Variants in SORCS3 observed in about 807,000 individuals in gnomAD.
SORCS3 encodes the protein VPS10 domain-containing receptor SorCS3.
SORCS3 carries 57 observed loss-of-function variants against 146.3 expected under a neutral mutation model. The observed-to-expected ratio is 0.39, with a 90% CI of 0.31 to 0.49. The LOEUF (loss-of-function observed/expected upper bound fraction) is 0.49, where lower values mean the gene tolerates loss of function less well. SORCS3 is among the 20% of genes least tolerant of loss of function. SORCS3 has a pLI of 0.92. For synonymous variants in SORCS3, 653 were observed against 618.5 expected, an observed-to-expected ratio of 1.06 and a Z score of -0.83; for missense variants, 1,341 against 1,575.5, an observed-to-expected ratio of 0.85 and a Z score of 2.52.
intron 25 of SORCS3, among the ~76,000 whole-genome samples, chr10:105,260,073 A>G (rs1469084335): frequency 6.6e-6 from 1 of 152,226 alleles, no homozygotes; most frequent in Non-Finnish European, 1.5e-5. Flanking sequence ...GAGATACAAA[A>G]TTTATTCTCT....
intron 4 of SORCS3, among the ~76,000 whole-genome samples, chr10:105,039,503 C>T (rs1215582706): frequency 2.2e-5 from 3 of 135,096 alleles, no homozygotes; most frequent in Non-Finnish European, 1.5e-5. Context: ...GTCACCCAGG[C>T]TGGAGTGCAG....
chr10:105,137,118 G>A (rs1264869126), intron 7 of SORCS3, among the ~76,000 whole-genome samples: 2 of 152,084 alleles, frequency 1.3e-5, no homozygotes, highest in African/African-American at 4.8e-5. Context: ...GAGGTGGAGT[G>A]TGCTATCATT....
intron 1 of SORCS3, among the ~76,000 whole-genome samples, chr10:104,642,994 C>A (rs2015445528): frequency 6.6e-6 from 1 of 152,238 alleles, no homozygotes; most frequent in Non-Finnish European, 1.5e-5. Flanking sequence ...GCTGTGCAGC[C>A]AAGCAAAGAA....
In SORCS3 at chr10:104,759,739, G is replaced by A. The variant is rs141528457; in HGVS notation, c.628-83053G>A. ...GCTCTCCTTTGCTGTAACTTACCTC[G>A]TTGTATTCTATTTATGCTGATTTGC... On this transcript the variant is annotated intron_variant, in intron 1 of 26. Transcript: ENST00000369701. Among the ~76,000 whole-genome samples, 20 of 152,118 alleles carry A rather than the reference G, an allele frequency of 1.3e-4. 2 individuals carry two copies. Among genetic ancestry groups the A allele is most frequent in the South Asian group, 1.0e-3 (5 of 4,808 alleles).
intron 1 of SORCS3, among the ~76,000 whole-genome samples, chr10:104,676,771 C>T (rs2015917127): frequency 6.6e-6 from 1 of 152,128 alleles, no homozygotes; most frequent in South Asian, 2.1e-4. Flanking sequence ...TCTGTCTCTT[C>T]CATCTCTTTT....
intron 4 of SORCS3, among the ~76,000 whole-genome samples, chr10:105,014,112 CATAT>C: frequency 6.8e-6 from 1 of 147,238 alleles, no homozygotes; most frequent in Non-Finnish European, 1.5e-5. Flanking sequence ...TATATATACA[CATAT>C]ATATACATAT....
intron 1 of SORCS3, among the ~76,000 whole-genome samples, chr10:104,671,797 C>A (rs1367113377): frequency 6.6e-6 from 1 of 152,014 alleles, no homozygotes; most frequent in African/African-American, 2.4e-5. Context: ...ATAAGTTGAA[C>A]CATCCTTGTT....
chr10:104,739,931 A>G (rs1483281260), intron 1 of SORCS3, among the ~76,000 whole-genome samples: 16 of 152,202 alleles, frequency 1.1e-4, no homozygotes, highest in Admixed American at 9.8e-4. Flanking sequence ...ACAGAATTGT[A>G]CTTGGTACCT....
chr10:105,243,025 A>ATATATATTTACATATATT (rs1554889603), intron 20 of SORCS3, among the ~76,000 whole-genome samples: 1 of 129,208 alleles, frequency 7.7e-6, no homozygotes, highest in Non-Finnish European at 1.6e-5. Flanking sequence ...ATATTTATAC[A>ATATATATTTACATATATT]TATATATTTA....
intron 14 of SORCS3, among the ~76,000 whole-genome samples, chr10:105,193,491 T>C (rs1009537955): frequency 3.3e-5 from 5 of 152,158 alleles, no homozygotes; most frequent in African/African-American, 9.7e-5. Context: ...CCTTTGTGTA[T>C]AGGGTTACCA....
chr10:105,193,760 C>T (rs1305603146), intron 14 of SORCS3, among the ~76,000 whole-genome samples: 2 of 152,198 alleles, frequency 1.3e-5, no homozygotes, highest in Non-Finnish European at 2.9e-5. Flanking sequence ...GCCAAGTCTT[C>T]TATTTCCCTG....
At chr10:104,780,508 A>G (rs2017362070) in intron 1 of SORCS3, among the ~76,000 whole-genome samples, 1 of 152,192 alleles carries the variant, frequency 6.6e-6, no homozygotes, top group Non-Finnish European at 1.5e-5. Context: ...ACCCCTTGGT[A>G]GCTGTTCACT....
chr10:104,797,893 A>G (rs532394123), intron 1 of SORCS3, among the ~76,000 whole-genome samples: 14 of 152,210 alleles, frequency 9.2e-5, no homozygotes, highest in Non-Finnish European at 1.6e-4. Flanking sequence ...AGAAAAACAC[A>G]TACTCACATG....
intron 5 of SORCS3, 66 bp from the exon 6 acceptor site, chr10:105,089,709 G>A (rs896404306): frequency 1.6e-6 from 2 of 1,287,232 alleles, no homozygotes; most frequent in Admixed American, 3.4e-5. Context: ...GGCCCTGAGT[G>A]CATCCCACTT....
intron 2 of SORCS3, among the ~76,000 whole-genome samples, chr10:104,846,347 C>T (rs10884055): frequency 0.11 from 16,485 of 152,204 alleles, 1,056 homozygotes; most frequent in South Asian, 0.26. Flanking sequence ...AGCCTAGAGC[C>T]GTATGATTTC....
At chr10:104,957,978 T>C (rs1268023215) in intron 3 of SORCS3, among the ~76,000 whole-genome samples, 3 of 152,134 alleles carry the variant, frequency 2.0e-5, no homozygotes, top group African/African-American at 7.2e-5. Context: ...GCCGAAGGGA[T>C]GATCCCATAA....
At chr10:104,708,357 C>T (rs2016371643) in intron 1 of SORCS3, among the ~76,000 whole-genome samples, 1 of 152,182 alleles carries the variant, frequency 6.6e-6, no homozygotes, top group Non-Finnish European at 1.5e-5. Flanking sequence ...CATGCCACCA[C>T]AGTCTTGCAA....
intron 3 of SORCS3, among the ~76,000 whole-genome samples, chr10:104,956,621 G>A (rs2133630835): frequency 6.6e-6 from 1 of 151,808 alleles, no homozygotes; most frequent in African/African-American, 2.4e-5. Context: ...AAATTTTACA[G>A]TTGAGTAGAA....
At chr10:105,070,695 C>A (rs1216525392) in intron 5 of SORCS3, among the ~76,000 whole-genome samples, 1 of 152,192 alleles carries the variant, frequency 6.6e-6, no homozygotes, top group African/African-American at 2.4e-5. Flanking sequence ...AAGATGTTTC[C>A]ATGTTTGTTA....
Sources: gnomAD v4.1 joint callset for allele counts (sites outside exome capture counted in the v4.1 genomes callset) on GRCh38, gnomAD v4.1.1 for gene constraint, MANE v1.5 for transcripts, NCBI Gene and HGNC (gene_info 2026-07-23, HGNC 2026-07-21) for gene names.